The following NELL1 variants were observed in gnomAD, a reference collection of about 807,000 sequenced individuals.
NELL1 encodes the protein neural EGFL like 1.
In NELL1, 76 loss-of-function variants were observed where a neutral mutation model predicts 107.4. The ratio of observed to expected loss-of-function variants is 0.71; its 90% CI spans 0.59 to 0.86. The LOEUF (loss-of-function observed/expected upper bound fraction) is 0.86, where lower values mean the gene tolerates loss of function less well. NELL1 is among the 40% of genes least tolerant of loss of function. The probability of loss-of-function intolerance (pLI) is 0.00; values close to 1 mark genes in which losing one functional copy is unlikely to be tolerated. For missense variants in NELL1, 1,024 were observed against 1,005.5 expected, an observed-to-expected ratio of 1.02 and a Z score of -0.25; for synonymous variants, 353 against 341.2, an observed-to-expected ratio of 1.03 and a Z score of -0.38.
chr11:21,126,249 A>G (rs1203805507), intron 13 of NELL1, among the ~76,000 whole-genome samples: 1 of 152,198 alleles, frequency 6.6e-6, no homozygotes, highest in African/African-American at 2.4e-5. Context: ...TGTCTTTAAA[A>G]TGCGAATGCA....
rs570219334 is a variant in NELL1 at position 20,998,803 on chromosome 11, A to G, written c.1300+38243A>G. ...TAGAAGATGAGATTGGATTAAATTC[A>G]ATCTATATAATGCCAGGGATGATGA... On this transcript the variant is annotated intron_variant, in intron 12 of 19. Coordinates refer to ENST00000357134, the MANE Select transcript of NELL1 (RefSeq NM_006157.5). Among the ~76,000 whole-genome samples, 4 of 152,306 alleles carry G rather than the reference A, an allele frequency of 2.6e-5. No homozygotes were observed. The East Asian group carries it at 5.8e-4, about 22-fold the overall frequency.
chr11:21,148,339 T>C (rs1487137283), intron 13 of NELL1, among the ~76,000 whole-genome samples: 1 of 152,166 alleles, frequency 6.6e-6, no homozygotes, highest in East Asian at 1.9e-4. Flanking sequence ...GTGATTTTAA[T>C]AGATCATGAG....
At position 21,126,462 on chromosome 11, in the gene NELL1, A is replaced by G. The variant is rs980060326; in HGVS notation, c.1426+12748A>G. Among the ~76,000 whole-genome samples the G allele has an allele frequency of 2.8e-4, 42 of 152,208 alleles. 2 individuals carry two copies. ...CTTGGGCTTGTGACCAAGTGAACCC[A>G]TATTTAACCCGCAGCTCTGCCTCTT... On this transcript the variant is annotated intron_variant, in intron 13 of 19. Coordinates refer to ENST00000357134, the MANE Select transcript of NELL1 (RefSeq NM_006157.5).
intron 14 of NELL1, among the ~76,000 whole-genome samples, chr11:21,361,972 A>G (rs1452724356): frequency 6.6e-6 from 1 of 152,116 alleles, no homozygotes; most frequent in Non-Finnish European, 1.5e-5. Flanking sequence ...AACCTTTCAA[A>G]TTCTTTATCT....
At chr11:20,951,203 G>A (rs2134203109) in intron 11 of NELL1, among the ~76,000 whole-genome samples, 1 of 152,230 alleles carries the variant, frequency 6.6e-6, no homozygotes, top group Admixed American at 6.5e-5. Context: ...TAGCTGATAG[G>A]CTTTATATAT....
chr11:20,912,048 AC>A (rs1170559693), intron 5 of NELL1, among the ~76,000 whole-genome samples: 1 of 152,224 alleles, frequency 6.6e-6, no homozygotes, highest in East Asian at 1.9e-4. Context: ...TTGCTCCAGA[AC>A]TAAAAATGCT....
intron 12 of NELL1, among the ~76,000 whole-genome samples, chr11:20,982,118 T>G (rs1479089481): frequency 6.6e-6 from 1 of 152,102 alleles, no homozygotes; most frequent in Non-Finnish European, 1.5e-5. Context: ...AATTGATGAG[T>G]CTGTGGGGGT....
intron 11 of NELL1, among the ~76,000 whole-genome samples, chr11:20,956,600 C>G (rs1014120816): frequency 1.5e-4 from 23 of 149,804 alleles, no homozygotes; most frequent in Non-Finnish European, 3.0e-4. Context: ...GAGCTGAGAT[C>G]ACGCCACTGC....
At chr11:21,287,551 A>G (rs967194319) in intron 14 of NELL1, among the ~76,000 whole-genome samples, 8 of 152,094 alleles carry the variant, frequency 5.3e-5, no homozygotes, top group African/African-American at 1.9e-4. Context: ...CCCTCATTCC[A>G]ATATCAATGC....
intron 12 of NELL1, among the ~76,000 whole-genome samples, chr11:21,020,856 AATCTT>A (rs1176154703): frequency 1.3e-5 from 2 of 151,942 alleles, no homozygotes; most frequent in African/African-American, 4.8e-5. Context: ...AACAACCACT[AATCTT>A]AAGAGCTCAT....
intron 4 of NELL1, among the ~76,000 whole-genome samples, chr11:20,884,590 A>G (rs369086653): frequency 1.3e-5 from 2 of 152,138 alleles, no homozygotes; most frequent in African/African-American, 4.8e-5. Flanking sequence ...GAATAAAAAG[A>G]TTTGGGACCA....
chr11:21,259,766 C>CT (rs34727606), intron 14 of NELL1, among the ~76,000 whole-genome samples: 30,653 of 151,754 alleles, frequency 0.2, 4,301 homozygotes, highest in East Asian at 0.42. Context: ...TCAAAAATGA[C>CT]TTTTTTTCAA....
At chr11:21,130,038 T>C (rs1855579549) in intron 13 of NELL1, among the ~76,000 whole-genome samples, 1 of 152,170 alleles carries the variant, frequency 6.6e-6, no homozygotes, top group African/African-American at 2.4e-5. Flanking sequence ...TTTACTACCA[T>C]AGGTATATGA....
chr11:20,883,991 C>A (rs752311886), intron 4 of NELL1, among the ~76,000 whole-genome samples: 2 of 152,212 alleles, frequency 1.3e-5, no homozygotes, highest in Non-Finnish European at 2.9e-5. Context: ...AAAACACATT[C>A]TGTCTTCTTT....
intron 14 of NELL1, among the ~76,000 whole-genome samples, chr11:21,314,319 C>T (rs568475431): frequency 6.6e-6 from 1 of 152,176 alleles, no homozygotes; most frequent in South Asian, 2.1e-4. Context: ...TCAGAGGAGA[C>T]AAATATTTAA....
intron 14 of NELL1, among the ~76,000 whole-genome samples, chr11:21,245,599 C>G (rs1590768042): frequency 1.3e-5 from 2 of 152,284 alleles, no homozygotes; most frequent in Middle Eastern, 6.8e-3. Flanking sequence ...TCACACTGCA[C>G]TGTACTTGTT....
At chr11:21,244,120 T>C (rs181773116) in intron 14 of NELL1, among the ~76,000 whole-genome samples, 1 of 152,228 alleles carries the variant, frequency 6.6e-6, no homozygotes, top group Non-Finnish European at 1.5e-5. Context: ...AAGTCAGATA[T>C]TGAATAGAAA....
At chr11:21,052,332 G>A (rs1414985028) in intron 12 of NELL1, among the ~76,000 whole-genome samples, 1 of 152,004 alleles carries the variant, frequency 6.6e-6, no homozygotes, top group African/African-American at 2.4e-5. Flanking sequence ...ACAGTCACAT[G>A]ATCTCACTTA....
At chr11:20,812,881 G>T (rs980279835) in intron 3 of NELL1, among the ~76,000 whole-genome samples, 20 of 150,646 alleles carry the variant, frequency 1.3e-4, no homozygotes, top group African/African-American at 4.4e-4. Flanking sequence ...GGTGGCGGGC[G>T]CCTGTAGTCC....
Sources: gnomAD v4.1 joint callset for allele counts (sites outside exome capture counted in the v4.1 genomes callset) on GRCh38, gnomAD v4.1.1 for gene constraint, MANE v1.5 for transcripts, NCBI Gene and HGNC (gene_info 2026-07-23, HGNC 2026-07-21) for gene names.